CDH12: variants seen among roughly 807,000 people sequenced by gnomAD.
CDH12 encodes the protein cadherin-12.
A neutral mutation model predicts 74.1 loss-of-function variants in CDH12; 41 were observed. That is an observed-to-expected ratio of 0.55 (90% CI 0.43 to 0.72). CDH12 has a LOEUF of 0.72. Among genes scored for constraint, CDH12 ranks in the 30% least tolerant of loss-of-function variants. CDH12 has a pLI of 0.00. For synonymous variants in CDH12, 399 were observed against 355.0 expected (o/e 1.12, Z -1.39); for missense variants, 945 against 977.2 (o/e 0.97, Z 0.44).
chr5:21,882,744 G>A (rs1752424495), intron 6 of CDH12: 1 of 1,605,440 alleles, frequency 6.2e-7, no homozygotes, highest in Non-Finnish European at 8.5e-7. Context: ...CGATGCTGTG[G>A]CCGTTACAAT....
chr5:21,884,186 T>G, intron 6 of CDH12: 1 of 1,584,218 alleles, frequency 6.3e-7, no homozygotes, highest in Non-Finnish European at 8.7e-7. Flanking sequence ...TATTGGATGC[T>G]GCTGGTGTGG....
intron 1 of CDH12, among the ~76,000 whole-genome samples, chr5:22,687,100 T>C (rs62348862): frequency 0.31 from 47,025 of 151,824 alleles, 7,737 homozygotes; most frequent in Non-Finnish European, 0.38. Flanking sequence ...TCGAGACCAC[T>C]CTGACCAATA....
At chr5:22,756,845 A>G (rs1357455394) in intron 1 of CDH12, among the ~76,000 whole-genome samples, 9 of 152,078 alleles carry the variant, frequency 5.9e-5, no homozygotes, top group Middle Eastern at 3.4e-3. Flanking sequence ...CTGTAATCCC[A>G]ACTACTCAGG....
intron 1 of CDH12, among the ~76,000 whole-genome samples, chr5:22,555,324 C>T (rs1165534629): frequency 6.6e-6 from 1 of 151,900 alleles, no homozygotes; most frequent in African/African-American, 2.4e-5. Context: ...GATAAATAAA[C>T]TCAATACTTC....
At chr5:22,635,348 A>C (rs1331668730) in intron 1 of CDH12, among the ~76,000 whole-genome samples, 1 of 152,160 alleles carries the variant, frequency 6.6e-6, no homozygotes, top group Non-Finnish European at 1.5e-5. Flanking sequence ...ATTCATACAA[A>C]ATTTATCATG....
At chr5:22,729,299 G>T (rs1018693035) in intron 1 of CDH12, among the ~76,000 whole-genome samples, 3 of 151,620 alleles carry the variant, frequency 2.0e-5, no homozygotes, top group Non-Finnish European at 2.9e-5. Flanking sequence ...TTATCTGTTC[G>T]ATGGCTCCCT....
intron 3 of CDH12, among the ~76,000 whole-genome samples, chr5:22,289,530 T>G (rs936914680): frequency 2.0e-5 from 3 of 152,182 alleles, no homozygotes; most frequent in African/African-American, 7.2e-5. Flanking sequence ...CCAGGAATCT[T>G]CAGCAATAGT....
At chr5:22,718,556 G>T (rs1440681924) in intron 1 of CDH12, among the ~76,000 whole-genome samples, 1 of 152,192 alleles carries the variant, frequency 6.6e-6, no homozygotes, top group Non-Finnish European at 1.5e-5. Flanking sequence ...CTTACTGAGA[G>T]AGAGAGCCCT....
In CDH12 at chr5:22,078,919, A is replaced by G. The variant is rs1742524251; in HGVS notation, c.-186-57T>C. 12 of 899,792 alleles carry G rather than the reference A, an allele frequency of 1.3e-5. No homozygotes were observed. In the East Asian group the frequency reaches 4.5e-4, roughly 34 times the overall value. The allele number at this position is 899,792 out of a possible 1,614,324, so 55.7% of individuals were successfully genotyped here. On this transcript the variant is annotated intron_variant, in intron 4 of 14. Coordinates refer to ENST00000382254, the MANE Select transcript of CDH12 (RefSeq NM_004061.5). ...TTAATGAAATTGCATGATGATATTC[A>G]TCACAACGCTCATTATATCTGCCAA... is the stretch of plus-strand genomic sequence containing the variant.
At chr5:22,271,827 G>C (rs1736413639) in intron 3 of CDH12, among the ~76,000 whole-genome samples, 1 of 151,844 alleles carries the variant, frequency 6.6e-6, no homozygotes, top group African/African-American at 2.4e-5. Flanking sequence ...TCAACAGTGA[G>C]TCTAAAATAT....
chr5:22,630,508 A>C (rs939940985), intron 1 of CDH12, among the ~76,000 whole-genome samples: 1 of 152,110 alleles, frequency 6.6e-6, no homozygotes, highest in Middle Eastern at 3.2e-3. Context: ...CAAGCATCTG[A>C]TCTTCAACGG....
At chr5:21,889,557 A>G (rs1752802013) in intron 6 of CDH12, 2 of 983,964 alleles carry the variant, frequency 2.0e-6, no homozygotes, top group East Asian at 2.3e-4. Flanking sequence ...CTGTTTTTAC[A>G]GAAGCAAAGT....
chr5:22,346,466 C>G, intron 3 of CDH12, among the ~76,000 whole-genome samples: 1 of 152,112 alleles, frequency 6.6e-6, no homozygotes, highest in Non-Finnish European at 1.5e-5. Flanking sequence ...ATTGTCTTCA[C>G]AGACTTTGAG....
intron 2 of CDH12, among the ~76,000 whole-genome samples, chr5:22,458,480 C>T (rs576386543): frequency 6.6e-6 from 1 of 152,242 alleles, no homozygotes; most frequent in African/African-American, 2.4e-5. Context: ...ACCCAGAAAC[C>T]AGAACCTACC....
intron 1 of CDH12, among the ~76,000 whole-genome samples, chr5:22,521,860 G>A (rs983450554): frequency 6.6e-6 from 1 of 152,012 alleles, no homozygotes; most frequent in African/African-American, 2.4e-5. Context: ...AAAGCGAAGT[G>A]GATACCTCCA....
intron 6 of CDH12, among the ~76,000 whole-genome samples, chr5:21,896,580 G>A (rs1003943200): frequency 3.3e-5 from 5 of 152,252 alleles, no homozygotes; most frequent in East Asian, 1.9e-4. Context: ...ACCGAGTGTT[G>A]TGTCCAATGG....
At chr5:21,781,298 A>G (rs1745894129) in intron 11 of CDH12, among the ~76,000 whole-genome samples, 1 of 152,326 alleles carries the variant, frequency 6.6e-6, no homozygotes, top group South Asian at 2.1e-4. Context: ...AAGGTCTACC[A>G]CTGGGTGCCC....
chr5:21,889,884 A>T, intron 6 of CDH12: 1 of 983,818 alleles, frequency 1.0e-6, no homozygotes, highest in East Asian at 1.1e-4. Context: ...TTTTCTTAGC[A>T]TATAAGTTAC....
chr5:22,000,825 ACTTT>A (rs2150143653), intron 5 of CDH12, among the ~76,000 whole-genome samples: 1 of 152,138 alleles, frequency 6.6e-6, no homozygotes, highest in African/African-American at 2.4e-5. Flanking sequence ...GGGTACTTAT[ACTTT>A]CTTTAATATC....
Sources: gnomAD v4.1 joint callset for allele counts (sites outside exome capture counted in the v4.1 genomes callset) on GRCh38, gnomAD v4.1.1 for gene constraint, MANE v1.5 for transcripts, NCBI Gene and HGNC (gene_info 2026-07-23, HGNC 2026-07-21) for gene names.